Variants in PTK7 observed in about 807,000 individuals in gnomAD.
PTK7 encodes the protein protein tyrosine kinase 7 (inactive).
In PTK7, 39 loss-of-function variants were observed where a neutral mutation model predicts 116.6. The ratio of observed to expected loss-of-function variants is 0.33; its 90% CI spans 0.26 to 0.44. The LOEUF (loss-of-function observed/expected upper bound fraction) is 0.44. Among genes scored for constraint, PTK7 ranks in the 20% least tolerant of loss-of-function variants. The probability of loss-of-function intolerance (pLI) is 1.00; values close to 1 mark genes in which losing one functional copy is unlikely to be tolerated. For synonymous variants in PTK7, 546 were observed against 563.6 expected, an observed-to-expected ratio of 0.97 and a Z score of 0.44; for missense variants, 1,169 against 1,425.6, an observed-to-expected ratio of 0.82 and a Z score of 2.90.
chr6:43,126,311 A>G (rs1469899774), intron 1 of PTK7, among the ~76,000 whole-genome samples: 1 of 152,100 alleles, frequency 6.6e-6, no homozygotes, highest in Non-Finnish European at 1.5e-5. Context: ...CAGAGTAAGT[A>G]AGACTCCGTC....
intron 1 of PTK7, among the ~76,000 whole-genome samples, chr6:43,079,646 A>C (rs1271828822): frequency 1.3e-5 from 2 of 152,196 alleles, no homozygotes; most frequent in Non-Finnish European, 2.9e-5. Context: ...GCTAGAGTGC[A>C]GTGGCACAAT....
Position 43,076,609 on chromosome 6 carries a change from G to A in PTK7, c.79+42G>A. The A allele has an allele frequency of 6.5e-7, 1 of 1,546,484 alleles. No homozygotes were observed. The highest frequency in any genetic ancestry group is 2.5e-5 in the East Asian group (1 of 39,382). Reference sequence around the variant, plus strand: ...TGGGGGCACAGAGCTTGGGAAGCGCGGGAGTCCCGTGGGCAAAAGGCTGCG... The same window carrying A: ...TGGGGGCACAGAGCTTGGGAAGCGCAGGAGTCCCGTGGGCAAAAGGCTGCG... On this transcript the variant is annotated intron_variant, in intron 1 of 19. Coordinates refer to ENST00000230419, the MANE Select transcript of PTK7 (RefSeq NM_002821.5). The surrounding 1 kb of genome is among the most constrained non-coding windows in gnomAD (Gnocchi z 5.7).
At position 43,161,020 on chromosome 6, in the gene PTK7, A is replaced by G; in HGVS notation, c.*139A>G. On this transcript the variant is annotated 3_prime_UTR_variant, in exon 20 of 20. Transcript: ENST00000230419. Reference sequence around the variant, plus strand: ...CAACAGGCATTGCTGAGGTCTGAGCAGGGCCTGGCCTTTCCTCCTCTTCCT... The same window carrying G: ...CAACAGGCATTGCTGAGGTCTGAGCGGGGCCTGGCCTTTCCTCCTCTTCCT... 1 of 1,236,872 alleles carries G rather than the reference A, an allele frequency of 8.1e-7. No homozygotes were observed. Among genetic ancestry groups the G allele is most frequent in the Non-Finnish European group, 1.1e-6 (1 of 916,546 alleles). 76.6% of individuals were successfully genotyped at this position (1,236,872 alleles called of 1,614,324 possible).
chr6:43,107,073 C>T (rs1767936817), intron 1 of PTK7, among the ~76,000 whole-genome samples: 1 of 151,988 alleles, frequency 6.6e-6, no homozygotes, highest in African/African-American at 2.4e-5. Flanking sequence ...TAGGTGTGCA[C>T]CACCATGCCT....
At chr6:43,105,047 G>C (rs1300163688) in intron 1 of PTK7, among the ~76,000 whole-genome samples, 1 of 150,514 alleles carries the variant, frequency 6.6e-6, no homozygotes, top group Non-Finnish European at 1.5e-5. Flanking sequence ...GCCTGACCTT[G>C]TGATCCACCC....
rs1769513884 is a variant in PTK7 at position 43,129,345 on chromosome 6, G to C, written c.367+81G>C. ...CCTGGGGGATCCCTCCCTTACCTCA[G>C]CTTCTCCCATTTCCAGTTAAACGGG... On this transcript the variant is annotated intron_variant, in intron 2 of 19. Coordinates refer to ENST00000230419, the MANE Select transcript of PTK7 (RefSeq NM_002821.5). The surrounding 1 kb of genome is among the most constrained non-coding windows in gnomAD (Gnocchi z 4.5). 2 of 1,514,132 alleles carry C rather than the reference G, an allele frequency of 1.3e-6. No individual in the cohort carries two copies. Among genetic ancestry groups the C allele is most frequent in the Non-Finnish European group, 1.8e-6 (2 of 1,111,448 alleles). 93.8% of individuals were successfully genotyped at this position (1,514,132 alleles called of 1,614,324 possible).
intron 1 of PTK7, among the ~76,000 whole-genome samples, chr6:43,096,100 C>T (rs575918299): frequency 3.3e-5 from 5 of 152,270 alleles, no homozygotes; most frequent in South Asian, 4.1e-4. Context: ...GTGGGTCTCC[C>T]GCCAGCGGCT....
chr6:43,113,489 G>C (rs1291310088), intron 1 of PTK7, among the ~76,000 whole-genome samples: 1 of 152,132 alleles, frequency 6.6e-6, no homozygotes, highest in Non-Finnish European at 1.5e-5. Flanking sequence ...TGAACACAAG[G>C]GTTTTACCTA....
chr6:43,083,594 A>C (rs1335657206), intron 1 of PTK7, among the ~76,000 whole-genome samples: 1 of 152,144 alleles, frequency 6.6e-6, no homozygotes, highest in East Asian at 1.9e-4. Flanking sequence ...CAATAATGTT[A>C]CACAGACAGC....
In PTK7 at chr6:43,159,835, C is replaced by T. The variant is rs1156304118; in HGVS notation, c.2921C>T (p.Ser974Phe). Residue 974 changes from serine (S) to phenylalanine (F), a missense_variant, in exon 19 of 20, where the codon TCC (serine) becomes TTC (phenylalanine). Physicochemically the swap from Ser to Phe is radical, Grantham distance 155. Coordinates refer to ENST00000230419, the MANE Select transcript of PTK7 (RefSeq NM_002821.5). ...GCCTGGGTGCCGCTGCGCTGGATGT[C>T]CCCCGAGGCCATCCTGGAGGGTGAC... ...RQAWVPLRWM[S>F]PEAILEGDFS... The T allele has an allele frequency of 1.9e-6, 3 of 1,614,202 alleles. No individual in the cohort carries two copies. Among genetic ancestry groups the T allele is most frequent in the Non-Finnish European group, 1.7e-6 (2 of 1,180,022 alleles).
chr6:43,134,782 G>GAA (rs756747841), intron 7 of PTK7, among the ~76,000 whole-genome samples: 6 of 128,586 alleles, frequency 4.7e-5, no homozygotes, highest in Admixed American at 7.8e-5. Context: ...TTTGTCTCAG[G>GAA]AAAAAAAAAA....
intron 1 of PTK7, among the ~76,000 whole-genome samples, chr6:43,081,233 C>A (rs1045975881): frequency 3.3e-5 from 5 of 152,222 alleles, no homozygotes; most frequent in Admixed American, 3.3e-4. Context: ...CCTATCTCTC[C>A]TGCCAGAAGG....
chr6:43,077,257 G>T (rs928098718), intron 1 of PTK7, among the ~76,000 whole-genome samples: 1 of 152,244 alleles, frequency 6.6e-6, no homozygotes, highest in Non-Finnish European at 1.5e-5. Context: ...AGGCTGTCGC[G>T]GTGACTAATG....
At chr6:43,079,561 A>T (rs550388765) in intron 1 of PTK7, among the ~76,000 whole-genome samples, 1 of 151,940 alleles carries the variant, frequency 6.6e-6, no homozygotes, top group South Asian at 2.1e-4. Flanking sequence ...TCGTATTTAC[A>T]TATAACGTAC....
intron 1 of PTK7, among the ~76,000 whole-genome samples, chr6:43,118,689 GTA>G (rs1768752081): frequency 1.5e-5 from 1 of 68,668 alleles, no homozygotes; most frequent in African/African-American, 6.1e-5. Flanking sequence ...ATATATATAT[GTA>G]TATATGTATA....
chr6:43,101,676 C>CAGAT (rs2150391074), intron 1 of PTK7, among the ~76,000 whole-genome samples: 1 of 152,198 alleles, frequency 6.6e-6, no homozygotes, highest in African/African-American at 2.4e-5. Context: ...AGCCAAGGAA[C>CAGAT]AGATGGACAA....
intron 1 of PTK7, among the ~76,000 whole-genome samples, chr6:43,079,776 A>G (rs967445259): frequency 6.6e-6 from 1 of 151,468 alleles, no homozygotes; most frequent in Non-Finnish European, 1.5e-5. Context: ...ACTTTAAATC[A>G]TCTCTAAGGG....
chr6:43,158,839 C>A lies in PTK7; in HGVS notation c.2744C>A (p.Ala915Asp). Residue 915 changes from alanine to aspartate, a missense_variant, in exon 18 of 20, where the codon GCC becomes GAC. By Grantham distance (126) the Ala-to-Asp change is moderately radical. Coordinates refer to ENST00000230419, the MANE Select transcript of PTK7 (RefSeq NM_002821.5). ...CAGGTGGCCCTATGCACCCAGGTAG[C>A]CCTGGGCATGGAGCACCTGTCCAAC... ...KQKVALCTQV[A>D]LGMEHLSNNR... The A allele has an allele frequency of 6.2e-7, 1 of 1,614,102 alleles. No individual in the cohort carries two copies. The highest frequency in any genetic ancestry group is 8.5e-7 in the Non-Finnish European group (1 of 1,179,982).
At chr6:43,156,390 C>G (rs904801439) in intron 17 of PTK7, among the ~76,000 whole-genome samples, 9 of 151,614 alleles carry the variant, frequency 5.9e-5, no homozygotes, top group African/African-American at 1.7e-4. Flanking sequence ...TTGCTTGATC[C>G]CAGGAGTTTG....
Sources: allele counts gnomAD v4.1 joint callset (sites outside exome capture counted in the v4.1 genomes callset), GRCh38; gene constraint gnomAD v4.1.1; non-coding constraint Gnocchi (gnomAD v3.1); transcripts MANE v1.5; gene names NCBI Gene and HGNC (gene_info 2026-07-23, HGNC 2026-07-21).